BACE2: variants seen among roughly 807,000 people sequenced by gnomAD.
BACE2 encodes the protein 56 kDa aspartic-like protease.
A neutral mutation model predicts 46.2 loss-of-function variants in BACE2; 17 were observed. That is an observed-to-expected ratio of 0.37 (90% confidence interval 0.25 to 0.55). The LOEUF (loss-of-function observed/expected upper bound fraction) is 0.55. Among genes scored for constraint, BACE2 ranks in the 20% least tolerant of loss-of-function variants. The pLI, the probability that BACE2 is intolerant of heterozygous loss-of-function variation, is 0.82. For synonymous variants in BACE2, 277 were observed against 295.9 expected (o/e 0.94, Z 0.66); for missense variants, 595 against 698.1 (o/e 0.85, Z 1.66).
chr21:41,212,011 G>C (rs572808910), intron 1 of BACE2, among the ~76,000 whole-genome samples: 1 of 152,218 alleles, frequency 6.6e-6, no homozygotes, highest in African/African-American at 2.4e-5. Flanking sequence ...TAGCTTTCTC[G>C]ACCACTGTTT....
At chr21:41,233,793 T>C (rs1987031938) in intron 2 of BACE2, among the ~76,000 whole-genome samples, 1 of 152,066 alleles carries the variant, frequency 6.6e-6, no homozygotes, top group Admixed American at 6.6e-5. Context: ...AAACCCCATC[T>C]CTACTAAAAA....
chr21:41,239,086 A>G (rs145788232), intron 3 of BACE2, among the ~76,000 whole-genome samples: 50 of 151,798 alleles, frequency 3.3e-4, no homozygotes, highest in African/African-American at 1.1e-3. Flanking sequence ...GTGGAAGGGA[A>G]CAGAAGTGAT....
chr21:41,206,476 T>C (rs1287231532), intron 1 of BACE2, among the ~76,000 whole-genome samples: 1 of 152,264 alleles, frequency 6.6e-6, no homozygotes, highest in Non-Finnish European at 1.5e-5. Context: ...AAGACGGTTC[T>C]GGCACATGCT....
At chr21:41,239,105 C>A (rs1308571117) in intron 3 of BACE2, among the ~76,000 whole-genome samples, 1 of 149,736 alleles carries the variant, frequency 6.7e-6, no homozygotes, top group Non-Finnish European at 1.5e-5. Context: ...ATTGCTGGAG[C>A]AATAGGCCCC....
At chr21:41,197,161 A>C (rs1034433389) in intron 1 of BACE2, among the ~76,000 whole-genome samples, 2 of 150,608 alleles carry the variant, frequency 1.3e-5, no homozygotes, top group East Asian at 3.9e-4. Flanking sequence ...GGGTCTCACT[A>C]TGTTGCCCAG....
chr21:41,219,514 C>T (rs1401832298), intron 1 of BACE2, among the ~76,000 whole-genome samples: 1 of 152,130 alleles, frequency 6.6e-6, no homozygotes, highest in African/African-American at 2.4e-5. Context: ...TCTGATATGC[C>T]TGCCCCCTTT....
chr21:41,206,638 A>G (rs1410564961), intron 1 of BACE2, among the ~76,000 whole-genome samples: 3 of 152,170 alleles, frequency 2.0e-5, no homozygotes, highest in African/African-American at 7.2e-5. Flanking sequence ...AGGAATGGAG[A>G]GTGAGGAGTT....
At chr21:41,249,284 A>C (rs1441642545) in intron 6 of BACE2, among the ~76,000 whole-genome samples, 1 of 144,114 alleles carries the variant, frequency 6.9e-6, no homozygotes, top group Admixed American at 7.0e-5. Flanking sequence ...AGGATTAGTG[A>C]GCCCCACATG....
At chr21:41,178,183 C>T (rs1984930545) in intron 1 of BACE2, 1 of 152,222 alleles carries the variant, frequency 6.6e-6, no homozygotes, top group African/African-American at 2.4e-5. Context: ...GGTCGGCTGG[C>T]CTAGGAGTTG....
intron 1 of BACE2, among the ~76,000 whole-genome samples, chr21:41,218,999 A>G (rs1986560104): frequency 6.6e-6 from 1 of 151,850 alleles, no homozygotes; most frequent in South Asian, 2.1e-4. Context: ...AGTAGCTGGG[A>G]CTACAGGTGT....
intron 1 of BACE2, among the ~76,000 whole-genome samples, chr21:41,211,132 C>T (rs1434404161): frequency 6.6e-6 from 1 of 152,128 alleles, no homozygotes; most frequent in Non-Finnish European, 1.5e-5. Context: ...CCACCACATT[C>T]CAGAATCAGG....
chr21:41,185,743 A>G (rs1985348620), intron 1 of BACE2, among the ~76,000 whole-genome samples: 1 of 152,190 alleles, frequency 6.6e-6, no homozygotes. Context: ...GCCCTCGCCA[A>G]AGCAGCTGTG....
chr21:41,224,160 T>C (rs2123569894), intron 1 of BACE2, among the ~76,000 whole-genome samples: 1 of 152,054 alleles, frequency 6.6e-6, no homozygotes, highest in South Asian at 2.1e-4. Context: ...GGCAAAATTA[T>C]TTTATAATTG....
intron 2 of BACE2, among the ~76,000 whole-genome samples, chr21:41,236,254 C>T (rs1315052626): frequency 6.6e-6 from 1 of 152,172 alleles, no homozygotes; most frequent in Non-Finnish European, 1.5e-5. Context: ...CCACAGTGCT[C>T]TACCCCTAGA....
At chr21:41,219,665 TACTG>T (rs1368473936) in intron 1 of BACE2, among the ~76,000 whole-genome samples, 3 of 152,214 alleles carry the variant, frequency 2.0e-5, no homozygotes, top group Non-Finnish European at 2.9e-5. Flanking sequence ...TTTGACCTGT[TACTG>T]ACTATTTGAT....
intron 1 of BACE2, among the ~76,000 whole-genome samples, chr21:41,224,464 C>T (rs906335225): frequency 6.6e-6 from 1 of 152,210 alleles, no homozygotes; most frequent in Non-Finnish European, 1.5e-5. Context: ...GCTGGGATTA[C>T]AGGCGTGAGC....
chr21:41,218,414 G>A lies in BACE2; in HGVS notation c.313-7852G>A, dbSNP rs186587197. On this transcript the variant is annotated intron_variant, in intron 1 of 8. Transcript: ENST00000330333. Reference sequence around the variant, plus strand: ...TGGATAGGTGCTCGCAAGCATGAAAGCCCTTGGGGAAGATGGTGTCCAACT... The same window carrying A: ...TGGATAGGTGCTCGCAAGCATGAAAACCCTTGGGGAAGATGGTGTCCAACT... Among the ~76,000 whole-genome samples, 343 of 152,292 alleles carry A rather than the reference G, an allele frequency of 2.3e-3. 1 individual carries two copies. Among genetic ancestry groups the A allele is most frequent in the African/African-American group, 7.7e-3 (321 of 41,564 alleles).
At chr21:41,221,765 T>C (rs1986659170) in intron 1 of BACE2, among the ~76,000 whole-genome samples, 1 of 149,618 alleles carries the variant, frequency 6.7e-6, no homozygotes, top group African/African-American at 2.5e-5. Flanking sequence ...GAGGAGGAGC[T>C]TGCAGTGAGC....
intron 3 of BACE2, among the ~76,000 whole-genome samples, chr21:41,241,557 T>C (rs548000134): frequency 6.6e-6 from 1 of 152,302 alleles, no homozygotes; most frequent in African/African-American, 2.4e-5. Context: ...TGATGATAGA[T>C]GTGACTGCGT....
Sources: gnomAD v4.1 joint callset for allele counts (sites outside exome capture counted in the v4.1 genomes callset) on GRCh38, gnomAD v4.1.1 for gene constraint, MANE v1.5 for transcripts, NCBI Gene and HGNC (gene_info 2026-07-23, HGNC 2026-07-21) for gene names.